The following HOOK3 variants were observed in gnomAD, a reference collection of about 807,000 sequenced individuals.
HOOK3 encodes the protein hook microtubule tethering protein 3.
A neutral mutation model predicts 116.3 loss-of-function variants in HOOK3; 24 were observed. That is an observed-to-expected ratio of 0.21 (90% CI 0.15 to 0.29). The LOEUF is 0.29. HOOK3 is among the 10% of genes least tolerant of loss of function. The pLI is 1.00. For missense variants in HOOK3, 632 were observed against 830.2 expected, an observed-to-expected ratio of 0.76 and a Z score of 2.93; for synonymous variants, 275 against 283.0, an observed-to-expected ratio of 0.97 and a Z score of 0.28.
At chr8:42,958,646 T>G (rs1380417940) in intron 7 of HOOK3, among the ~76,000 whole-genome samples, 1 of 149,566 alleles carries the variant, frequency 6.7e-6, no homozygotes, top group Non-Finnish European at 1.5e-5. Context: ...GTGCAGAATG[T>G]GCAGGTTTGT....
At chr8:42,925,754 A>G (rs1807753827) in intron 3 of HOOK3, 125 bp downstream of exon 3, 2 of 627,888 alleles carry the variant, frequency 3.2e-6, no homozygotes, top group East Asian at 2.9e-5. Context: ...GAAATAATGT[A>G]GAATTGAAGA....
chr8:42,906,880 A>G (rs1040768564), intron 2 of HOOK3, among the ~76,000 whole-genome samples: 3 of 152,222 alleles, frequency 2.0e-5, no homozygotes, highest in Non-Finnish European at 4.4e-5. Flanking sequence ...GCTCTTCCTT[A>G]TAGGTCAAAA....
At chr8:42,903,190 A>G (rs539957979) in intron 1 of HOOK3, among the ~76,000 whole-genome samples, 3 of 152,270 alleles carry the variant, frequency 2.0e-5, no homozygotes, top group Admixed American at 6.5e-5. Context: ...TCCTCTTATC[A>G]GCTTTCCCAA....
At chr8:42,982,583 CTG>C (rs745671795) in intron 13 of HOOK3, 42 bp from the exon 14 acceptor site, 5 of 1,342,712 alleles carry the variant, frequency 3.7e-6, no homozygotes, top group Admixed American at 1.7e-5. Flanking sequence ...AGTTGTGTAA[CTG>C]TGTTTTCCAT....
At position 42,964,384 on chromosome 8, in the gene HOOK3, C is replaced by CT; in HGVS notation, c.690dup (p.Asp231Ter). 6.2e-7 allele frequency: 1 copy of CT among 1,614,040 alleles called. No homozygotes were observed. Among genetic ancestry groups the CT allele is most frequent in the Non-Finnish European group, 8.5e-7 (1 of 1,179,926 alleles). The stretch of plus-strand genomic sequence containing the variant: ...GTATTAATGGAAAGACTCAATCAAT[C>CT]TGATTCTATAGAAGACCCTAACAGT... On this transcript the variant is annotated frameshift_variant, in exon 9 of 22. Coordinates refer to ENST00000307602, the MANE Select transcript of HOOK3 (RefSeq NM_032410.4). LOFTEE classifies it high-confidence loss of function.
intron 8 of HOOK3, among the ~76,000 whole-genome samples, chr8:42,961,227 G>A (rs754283928): frequency 3.3e-5 from 5 of 152,072 alleles, no homozygotes; most frequent in Non-Finnish European, 5.9e-5. Context: ...GATTTGGAGG[G>A]GATAAATATC....
intron 15 of HOOK3, among the ~76,000 whole-genome samples, chr8:42,994,760 A>G (rs972809106): frequency 6.6e-6 from 1 of 152,202 alleles, no homozygotes; most frequent in Non-Finnish European, 1.5e-5. Flanking sequence ...TGCATACTTT[A>G]ACAGTTACAT....
intron 1 of HOOK3, among the ~76,000 whole-genome samples, chr8:42,904,348 C>T (rs1807259667): frequency 7.2e-6 from 1 of 139,714 alleles, no homozygotes; most frequent in African/African-American, 2.7e-5. Context: ...CTCGCTCTGT[C>T]GCCCAGGCTG....
intron 2 of HOOK3, among the ~76,000 whole-genome samples, chr8:42,911,361 G>A (rs986828055): frequency 6.6e-6 from 1 of 152,180 alleles, no homozygotes; most frequent in Non-Finnish European, 1.5e-5. Flanking sequence ...TGAGGAAGGA[G>A]AATTGCTTGA....
At chr8:42,956,265 T>TGTGTGTGTGTGTG (rs1554512121) in intron 6 of HOOK3, among the ~76,000 whole-genome samples, 10 of 149,214 alleles carry the variant, frequency 6.7e-5, no homozygotes, top group Non-Finnish European at 1.0e-4. Context: ...TGTGTGTGTG[T>TGTGTGTGTGTGTG]TATCATTAAA....
intron 4 of HOOK3, among the ~76,000 whole-genome samples, chr8:42,939,576 C>T (rs540953605): frequency 5.7e-5 from 8 of 141,006 alleles, no homozygotes; most frequent in Admixed American, 2.1e-4. Flanking sequence ...GGGGGGCTGA[C>T]CCCCCCACCT....
intron 6 of HOOK3, among the ~76,000 whole-genome samples, chr8:42,954,871 C>T (rs1808405736): frequency 1.3e-5 from 2 of 152,120 alleles, no homozygotes; most frequent in Admixed American, 1.3e-4. Flanking sequence ...GTGGGCATGC[C>T]TGTCACTAAG....
chr8:42,934,549 CT>C (rs1807929653), intron 4 of HOOK3, among the ~76,000 whole-genome samples: 1 of 152,088 alleles, frequency 6.6e-6, no homozygotes, highest in African/African-American at 2.4e-5. Context: ...CCTAGCCCCC[CT>C]CCCCCGCACC....
At chr8:42,928,081 AC>A (rs2130361286) in intron 3 of HOOK3, among the ~76,000 whole-genome samples, 1 of 152,294 alleles carries the variant, frequency 6.6e-6, no homozygotes, top group East Asian at 1.9e-4. Context: ...AGAGATCGAG[AC>A]CATCCTGGCC....
chr8:42,982,444 A>G (rs1364861793), intron 13 of HOOK3, among the ~76,000 whole-genome samples, 183 bp from the exon 14 acceptor site: 1 of 151,516 alleles, frequency 6.6e-6, no homozygotes, highest in Non-Finnish European at 1.5e-5. Context: ...TCTGTTGCAC[A>G]CTTAAAAATG....
chr8:42,988,687 G>C (rs1414980717), intron 15 of HOOK3, among the ~76,000 whole-genome samples: 1 of 151,894 alleles, frequency 6.6e-6, no homozygotes, highest in African/African-American at 2.4e-5. Flanking sequence ...TGTGCTGGGT[G>C]TCTTAAATAT....
chr8:42,934,737 G>A (rs1807934273), intron 4 of HOOK3, among the ~76,000 whole-genome samples: 1 of 152,070 alleles, frequency 6.6e-6, no homozygotes, highest in South Asian at 2.1e-4. Flanking sequence ...CCTTTTTTAT[G>A]GCTGCATGGT....
At chr8:42,901,915 G>T (rs904811617) in intron 1 of HOOK3, among the ~76,000 whole-genome samples, 3 of 152,106 alleles carry the variant, frequency 2.0e-5, no homozygotes, top group Non-Finnish European at 4.4e-5. Flanking sequence ...TCACTATGTT[G>T]GTCAGGCTGG....
At chr8:42,902,050 A>T (rs1807200981) in intron 1 of HOOK3, among the ~76,000 whole-genome samples, 1 of 151,812 alleles carries the variant, frequency 6.6e-6, no homozygotes, top group Non-Finnish European at 1.5e-5. Flanking sequence ...TTTTTGAATT[A>T]CCTGCTTTGT....
Sources: gnomAD v4.1 joint callset for allele counts (sites outside exome capture counted in the v4.1 genomes callset) on GRCh38, gnomAD v4.1.1 for gene constraint, MANE v1.5 for transcripts, NCBI Gene and HGNC (gene_info 2026-07-23, HGNC 2026-07-21) for gene names.